The following OR2L13 variants were observed in gnomAD, a reference collection of about 807,000 sequenced individuals.
The protein encoded by OR2L13 is olfactory receptor family 2 subfamily L member 13.
In OR2L13, 14 loss-of-function variants were observed where a neutral mutation model predicts 15.3. The observed-to-expected ratio is 0.91, with a 90% CI of 0.60 to 1.43. The LOEUF (loss-of-function observed/expected upper bound fraction) is 1.43. Among genes scored for constraint, OR2L13 ranks in the 40% most tolerant of loss-of-function variants. OR2L13 has a pLI of 0.00. For synonymous variants in OR2L13, 152 were observed against 142.9 expected (o/e 1.06, Z -0.45); for missense variants, 367 against 387.9 (o/e 0.95, Z 0.45).
At chr1:247,953,216 C>G in the OR2L13 span, among the ~76,000 whole-genome samples, 1 of 152,190 alleles carries the variant, frequency 6.6e-6, no homozygotes, top group Non-Finnish European at 1.5e-5. Flanking sequence ...TTCATTACCT[C>G]ACAGAGTCCT....
At chr1:248,100,320 G>A in exon 3 of OR2L13, 1 of 1,536,404 alleles carries the variant, frequency 6.5e-7, no homozygotes, top group Non-Finnish European at 9.0e-7. Flanking sequence ...AATAATCATG[G>A]CCATCCCCAC....
chr1:247,990,561 T>G, the OR2L13 span: 2 of 1,564,912 alleles, frequency 1.3e-6, no homozygotes, highest in South Asian at 2.2e-5. Flanking sequence ...GGTGTGGGAT[T>G]CAGAGTTTCT....
chr1:247,982,073 C>T, the OR2L13 span, among the ~76,000 whole-genome samples: 8 of 152,166 alleles, frequency 5.3e-5, no homozygotes, highest in Non-Finnish European at 1.0e-4. Flanking sequence ...CCTCGGCCTC[C>T]CAAAGTGCTG....
the OR2L13 span, among the ~76,000 whole-genome samples, chr1:247,941,907 T>C: frequency 7.2e-5 from 11 of 152,336 alleles, no homozygotes; most frequent in Admixed American, 5.9e-4. Flanking sequence ...ATCCCAATCA[T>C]GATTAATTCC....
chr1:247,953,642 G>T, the OR2L13 span, among the ~76,000 whole-genome samples: 1 of 152,150 alleles, frequency 6.6e-6, no homozygotes, highest in African/African-American at 2.4e-5. Context: ...TGAAAACATT[G>T]AAGAAATTTT....
the OR2L13 span, among the ~76,000 whole-genome samples, chr1:248,046,626 A>C: frequency 6.6e-6 from 1 of 152,182 alleles, no homozygotes; most frequent in East Asian, 1.9e-4. Flanking sequence ...CTCAGCCTAG[A>C]ATGTCCAAAG....
At chr1:247,981,040 A>G in the OR2L13 span, 3 of 151,600 alleles carry the variant, frequency 2.0e-5, no homozygotes, top group African/African-American at 7.3e-5. Flanking sequence ...TTGAAGTCTG[A>G]GCAATAGTGA....
At chr1:248,008,356 T>C in the OR2L13 span, among the ~76,000 whole-genome samples, 24 of 152,186 alleles carry the variant, frequency 1.6e-4, no homozygotes, top group African/African-American at 5.8e-4. Flanking sequence ...TATCTTGCAT[T>C]GACCATTTAT....
chr1:248,083,664 T>C, the OR2L13 span: 2 of 1,549,182 alleles, frequency 1.3e-6, no homozygotes, highest in Non-Finnish European at 1.8e-6. Flanking sequence ...ATTTTGCTGG[T>C]GTTTCAGGTT....
At chr1:248,018,063 G>C in the OR2L13 span, among the ~76,000 whole-genome samples, 1 of 151,738 alleles carries the variant, frequency 6.6e-6, no homozygotes, top group East Asian at 1.9e-4. Flanking sequence ...GCTGAGGCAG[G>C]AGAATGGCGT....
At chr1:248,096,709 CT>C (rs1357647679), upstream of OR2L13, among the ~76,000 whole-genome samples, 1 of 152,164 alleles carries the variant, frequency 6.6e-6, no homozygotes, top group Non-Finnish European at 1.5e-5. Flanking sequence ...GAAGCATTCA[CT>C]AATTGTAATT....
chr1:247,993,758 AGG>A, the OR2L13 span, among the ~76,000 whole-genome samples: 27,263 of 70,078 alleles, frequency 0.39, 6,798 homozygotes, highest in South Asian at 0.47. Context: ...AGACAGAGAG[AGG>A]GGGAGAGAGA....
chr1:248,010,718 G>A, the OR2L13 span, among the ~76,000 whole-genome samples: 12,175 of 141,520 alleles, frequency 0.086, 625 homozygotes, highest in East Asian at 0.16. Flanking sequence ...TTGGTTTAAA[G>A]TCTGTTTTAT....
chr1:247,949,941 T>A, the OR2L13 span: 1 of 560,846 alleles, frequency 1.8e-6, no homozygotes, highest in Non-Finnish European at 2.8e-6. Context: ...ACAAAATTGT[T>A]TTACAAATAT....
the OR2L13 span, among the ~76,000 whole-genome samples, chr1:247,988,477 A>G: frequency 6.6e-6 from 1 of 152,108 alleles, no homozygotes; most frequent in South Asian, 2.1e-4. Context: ...TCTTATTTTT[A>G]AAAAATCATT....
chr1:247,964,265 A>T, the OR2L13 span, among the ~76,000 whole-genome samples: 1 of 152,154 alleles, frequency 6.6e-6, no homozygotes, highest in African/African-American at 2.4e-5. Flanking sequence ...GTTTAGCCAT[A>T]TCAGGATTGA....
At chr1:248,011,601 T>G in the OR2L13 span, among the ~76,000 whole-genome samples, 5 of 152,216 alleles carry the variant, frequency 3.3e-5, no homozygotes, top group Admixed American at 3.3e-4. Flanking sequence ...AAATGTAGGT[T>G]TGGTCTTTTC....
chr1:248,052,320 G>A, the OR2L13 span, among the ~76,000 whole-genome samples: 1 of 152,164 alleles, frequency 6.6e-6, no homozygotes, highest in South Asian at 2.1e-4. Flanking sequence ...TTTGAAAAAA[G>A]GTTACCATGT....
chr1:248,021,302 T>A, the OR2L13 span, among the ~76,000 whole-genome samples: 46,108 of 152,066 alleles, frequency 0.3, 11,282 homozygotes, highest in African/African-American at 0.68. Flanking sequence ...TTTTCTAATT[T>A]GGAAAGATTA....
Sources: allele counts gnomAD v4.1 joint callset (sites outside exome capture counted in the v4.1 genomes callset), GRCh38; gene constraint gnomAD v4.1.1; transcripts MANE v1.5; gene names NCBI Gene and HGNC (gene_info 2026-07-23, HGNC 2026-07-21).